The following ARHGAP29 variants were observed in gnomAD, a reference collection of about 807,000 sequenced individuals.
The protein encoded by ARHGAP29 is rho GTPase-activating protein 29.
Under a neutral mutation model 122.6 loss-of-function variants are expected in ARHGAP29, and 43 were observed. The observed-to-expected ratio is 0.35, with a 90% CI of 0.27 to 0.45. The LOEUF is 0.45. Among genes scored for constraint, ARHGAP29 ranks in the 20% least tolerant of loss-of-function variants. The probability of loss-of-function intolerance (pLI) is 1.00; values close to 1 mark genes in which losing one functional copy is unlikely to be tolerated. For synonymous variants in ARHGAP29, 506 were observed against 497.1 expected, an observed-to-expected ratio of 1.02 and a Z score of -0.24; for missense variants, 1,303 against 1,477.2, an observed-to-expected ratio of 0.88 and a Z score of 1.93.
upstream of ARHGAP29, among the ~76,000 whole-genome samples, chr1:94,242,453 C>T (rs192798601): frequency 9.2e-5 from 14 of 151,670 alleles, no homozygotes; most frequent in African/African-American, 2.7e-4. Flanking sequence ...ATGACAATAG[C>T]GTAAAGGAGG....
chr1:94,198,626 A>G (rs1047331785), intron 12 of ARHGAP29, among the ~76,000 whole-genome samples: 2 of 152,160 alleles, frequency 1.3e-5, no homozygotes, highest in South Asian at 4.1e-4. Flanking sequence ...ATCTAACACA[A>G]CTTATTAAAG....
At chr1:94,238,277 T>C (rs1570590865), upstream of ARHGAP29, among the ~76,000 whole-genome samples, 1 of 151,836 alleles carries the variant, frequency 6.6e-6, no homozygotes. Flanking sequence ...GCCAAGCTGG[T>C]CTCGAATTCC....
At chr1:94,216,137 C>T (rs1236363022) in intron 3 of ARHGAP29, among the ~76,000 whole-genome samples, 1 of 152,124 alleles carries the variant, frequency 6.6e-6, no homozygotes, top group African/African-American at 2.4e-5. Context: ...AAAATATAAA[C>T]ACACATGCTT....
intron 1 of ARHGAP29, among the ~76,000 whole-genome samples, chr1:94,254,806 G>T (rs984452116): frequency 2.6e-5 from 4 of 152,198 alleles, no homozygotes; most frequent in Non-Finnish European, 5.9e-5. Context: ...CAGAGAGCTG[G>T]CATTTTAATT....
the ARHGAP29 span, among the ~76,000 whole-genome samples, chr1:94,285,786 A>T: frequency 6.6e-6 from 1 of 151,210 alleles, no homozygotes; most frequent in Non-Finnish European, 1.5e-5. Flanking sequence ...AAGGCAGGAG[A>T]ATCACTTGAA....
chr1:94,226,813 A>G (rs1269802073), intron 2 of ARHGAP29, among the ~76,000 whole-genome samples: 1 of 151,974 alleles, frequency 6.6e-6, no homozygotes, highest in African/African-American at 2.4e-5. Context: ...TTAACTTCTA[A>G]GTGATATTCA....
chr1:94,300,407 C>CCTCTGTTATTATG, the ARHGAP29 span, among the ~76,000 whole-genome samples: 2 of 152,256 alleles, frequency 1.3e-5, no homozygotes, highest in South Asian at 4.1e-4. Context: ...GGGTGAATCA[C>CCTCTGTTATTATG]TTGTTTCTTA....
Position 94,172,503 on chromosome 1 carries a change from G to A in ARHGAP29, c.*1366C>T, listed in dbSNP as rs1648797265. 1 of 151,870 alleles carries A rather than the reference G, an allele frequency of 6.6e-6. No individual in the cohort carries two copies. The highest frequency in any genetic ancestry group is 2.4e-5 in the African/African-American group (1 of 41,334). 9.4% of individuals were successfully genotyped at this position (151,870 alleles called of 1,614,324 possible). On this transcript the variant is annotated 3_prime_UTR_variant, in exon 23 of 23. Transcript: ENST00000260526. The stretch of plus-strand genomic sequence containing the variant: ...TCCACATTGTAGTCAACGGATGTAT[G>A]ATCCTAGGTGTTGACTTCTAAGCCA...
intron 1 of ARHGAP29, among the ~76,000 whole-genome samples, chr1:94,243,176 T>C (rs977906833): frequency 3.3e-5 from 5 of 152,062 alleles, no homozygotes; most frequent in Admixed American, 3.3e-4. Flanking sequence ...CATAGAATAC[T>C]TGAATAGCAC....
chr1:94,220,838 C>G (rs760344626), intron 2 of ARHGAP29, among the ~76,000 whole-genome samples: 4 of 151,512 alleles, frequency 2.6e-5, no homozygotes, highest in Non-Finnish European at 5.9e-5. Context: ...ATGTACAGAC[C>G]TTTAATGAGT....
Position 94,274,399 on chromosome 1 carries a change from G to A in ARHGAP29, c.-33+613C>T, listed in dbSNP as rs116431720. 3.2e-3 allele frequency among the ~76,000 whole-genome samples: 489 copies of A among 152,302 alleles called. 2 individuals carry two copies. Among genetic ancestry groups the A allele is most frequent in the African/African-American group, 0.011 (468 of 41,570 alleles). On this transcript the variant is annotated intron_variant and NMD_transcript_variant, in intron 1 of 25. Transcript: ENST00000552844. ...CTTAGGTGGCACCATGTTTTAAATT[G>A]CAAAGCACATAAGTTACTTTCAAAG... is the stretch of plus-strand genomic sequence containing the variant.
chr1:94,269,305 T>C (rs1325729050), intron 1 of ARHGAP29, among the ~76,000 whole-genome samples: 1 of 152,208 alleles, frequency 6.6e-6, no homozygotes, highest in Non-Finnish European at 1.5e-5. Context: ...AGTTCCTTCC[T>C]TTAAAGAATC....
Position 94,202,706 on chromosome 1 carries a change from C to T in ARHGAP29, c.981G>A (p.Lys327=), listed in dbSNP as rs1650925847. ...KMLEAENALK[K]AKLLCMQRQD... ...GACGTTGCATGCATAATAATTTTGCCTTTTTGAGAGCATTCTCTGCTTCAA... is the reference window on the plus strand; with the variant it reads ...GACGTTGCATGCATAATAATTTTGCTTTTTTGAGAGCATTCTCTGCTTCAA... Residue 327 remains lysine, a synonymous_variant, in exon 11 of 23, where the codon AAG becomes AAA. Coordinates refer to ENST00000260526, the MANE Select transcript of ARHGAP29 (RefSeq NM_004815.4). The T allele has an allele frequency of 6.2e-7, 1 of 1,613,554 alleles. No individual in the cohort carries two copies. Among genetic ancestry groups the T allele is most frequent in the African/African-American group, 1.3e-5 (1 of 74,842 alleles).
At chr1:94,238,866 G>A (rs1359524099), upstream of ARHGAP29, among the ~76,000 whole-genome samples, 2 of 152,146 alleles carry the variant, frequency 1.3e-5, no homozygotes, top group Non-Finnish European at 2.9e-5. Context: ...AGAAAGAGAA[G>A]AGGGACATCT....
chr1:94,293,107 G>A, the ARHGAP29 span, among the ~76,000 whole-genome samples: 57 of 152,364 alleles, frequency 3.7e-4, no homozygotes, highest in Middle Eastern at 0.01. Context: ...GAGCTGTGGT[G>A]GGCTCCGCCC....
At chr1:94,245,855 A>G (rs573875691) in intron 1 of ARHGAP29, among the ~76,000 whole-genome samples, 27 of 152,332 alleles carry the variant, frequency 1.8e-4, no homozygotes, top group South Asian at 6.2e-4. Context: ...ACTTTGTTCA[A>G]TGTGGTTATA....
the ARHGAP29 span, among the ~76,000 whole-genome samples, chr1:94,286,397 G>C: frequency 7.2e-5 from 11 of 152,272 alleles, 1 homozygote; most frequent in South Asian, 2.3e-3. Context: ...TCTGAGCATG[G>C]TGGCTCATGC....
At chr1:94,262,301 A>G (rs1654590343) in intron 1 of ARHGAP29, among the ~76,000 whole-genome samples, 1 of 152,156 alleles carries the variant, frequency 6.6e-6, no homozygotes, top group African/African-American at 2.4e-5. Context: ...AACTATGAAA[A>G]CCCTGGAAGA....
At chr1:94,229,992 T>C (rs1054286828) in intron 2 of ARHGAP29, among the ~76,000 whole-genome samples, 1 of 151,674 alleles carries the variant, frequency 6.6e-6, no homozygotes, top group African/African-American at 2.4e-5. Context: ...CTAATAAAAA[T>C]GCATTTAAAT....
Sources: gnomAD v4.1 joint callset for allele counts (sites outside exome capture counted in the v4.1 genomes callset) on GRCh38, gnomAD v4.1.1 for gene constraint, MANE v1.5 for transcripts, NCBI Gene and HGNC (gene_info 2026-07-23, HGNC 2026-07-21) for gene names.